ZNF503: variants seen among roughly 807,000 people sequenced by gnomAD.
ZNF503 encodes the protein NocA-like zinc finger 2.
A neutral mutation model predicts 34.4 loss-of-function variants in ZNF503; 15 were observed. That is an observed-to-expected ratio of 0.44 (90% confidence interval 0.29 to 0.67). The LOEUF is 0.67. Ranked by LOEUF, ZNF503 falls within the 30% of genes least tolerant of loss-of-function variation. The probability of loss-of-function intolerance (pLI) is 0.13; values close to 1 mark genes in which losing one functional copy is unlikely to be tolerated. For missense variants in ZNF503, 1,007 were observed against 926.8 expected, an observed-to-expected ratio of 1.09 and a Z score of -1.12; for synonymous variants, 580 against 456.8, an observed-to-expected ratio of 1.27 and a Z score of -3.44.
At chr10:75,288,938 T>G in the ZNF503 span, among the ~76,000 whole-genome samples, 1 of 152,224 alleles carries the variant, frequency 6.6e-6, no homozygotes, top group African/African-American at 2.4e-5. Flanking sequence ...GGGGGGCTGA[T>G]CTGGCTTTGT....
chr10:75,371,185 G>T, the ZNF503 span, among the ~76,000 whole-genome samples: 3 of 152,174 alleles, frequency 2.0e-5, no homozygotes, highest in African/African-American at 4.8e-5. Flanking sequence ...CATCCAGGGA[G>T]CTCCAAAATT....
chr10:75,314,858 TA>T, the ZNF503 span, among the ~76,000 whole-genome samples: 1 of 152,236 alleles, frequency 6.6e-6, no homozygotes. Flanking sequence ...TGAGGGAGTT[TA>T]TTACTACCAG....
At chr10:75,383,868 TATTTA>T in the ZNF503 span, among the ~76,000 whole-genome samples, 1 of 152,248 alleles carries the variant, frequency 6.6e-6, no homozygotes, top group African/African-American at 2.4e-5. Flanking sequence ...GTCTGTTGGC[TATTTA>T]ATTGATCTAT....
downstream of ZNF503, among the ~76,000 whole-genome samples, chr10:75,395,582 C>T (rs1011886094): frequency 6.6e-6 from 1 of 152,112 alleles, no homozygotes; most frequent in Admixed American, 6.5e-5. The surrounding 1 kb of genome is among the most constrained non-coding windows in gnomAD (Gnocchi z 4.4). Context: ...TGGAGAGAGT[C>T]GGGGGGCGCG....
chr10:75,321,461 A>G, the ZNF503 span, among the ~76,000 whole-genome samples: 1 of 152,224 alleles, frequency 6.6e-6, no homozygotes, highest in Non-Finnish European at 1.5e-5. Flanking sequence ...CAGAAGGAGA[A>G]AGGAACATTA....
the ZNF503 span, among the ~76,000 whole-genome samples, chr10:75,287,723 A>G: frequency 1.3e-5 from 2 of 152,174 alleles, no homozygotes; most frequent in Non-Finnish European, 2.9e-5. Flanking sequence ...CTGCTGCTCC[A>G]TGTTGATTTC....
At chr10:75,322,413 C>T in the ZNF503 span, among the ~76,000 whole-genome samples, 4 of 152,266 alleles carry the variant, frequency 2.6e-5, no homozygotes, top group South Asian at 2.1e-4. Flanking sequence ...TAAGCCACCA[C>T]GCCCGGCCCA....
chr10:75,301,094 A>C, the ZNF503 span, among the ~76,000 whole-genome samples: 3 of 151,988 alleles, frequency 2.0e-5, no homozygotes, highest in Middle Eastern at 6.8e-3. Flanking sequence ...TGCTTGGGAT[A>C]TCTCTTCCTA....
the ZNF503 span, among the ~76,000 whole-genome samples, chr10:75,281,224 T>C: frequency 6.6e-6 from 1 of 152,106 alleles, no homozygotes; most frequent in Non-Finnish European, 1.5e-5. Flanking sequence ...AGATGTGACC[T>C]AGTTTGCACC....
the ZNF503 span, among the ~76,000 whole-genome samples, chr10:75,347,722 T>C: frequency 2.2e-3 from 335 of 152,356 alleles, 1 homozygote; most frequent in African/African-American, 7.7e-3. Context: ...AAAAGCTTTT[T>C]GTTGACACCT....
the ZNF503 span, among the ~76,000 whole-genome samples, chr10:75,289,736 T>C: frequency 6.6e-6 from 1 of 152,048 alleles, no homozygotes; most frequent in Non-Finnish European, 1.5e-5. Context: ...CAGCTAACTT[T>C]TGGATTTTTA....
the ZNF503 span, among the ~76,000 whole-genome samples, chr10:75,290,378 C>A: frequency 6.6e-6 from 1 of 152,172 alleles, no homozygotes; most frequent in African/African-American, 2.4e-5. Flanking sequence ...CCTCTGTTGG[C>A]CTCTCCATGT....
At chr10:75,365,483 A>G in the ZNF503 span, among the ~76,000 whole-genome samples, 5 of 152,316 alleles carry the variant, frequency 3.3e-5, no homozygotes, top group African/African-American at 1.2e-4. Flanking sequence ...AAGAGAAATG[A>G]TCGGATTCAA....
Position 75,401,119 on chromosome 10 carries a change from C to T in ZNF503, c.301G>A (p.Val101Ile). 6.2e-7 allele frequency: 1 copy of T among 1,613,424 alleles called. No individual in the cohort carries two copies. Residue 101 changes from valine (V) to isoleucine (I), a missense_variant, in exon 1 of 2, where the codon GTC becomes ATC. Val to Ile is a conservative substitution (Grantham distance 29, BLOSUM62 3). Coordinates refer to ENST00000372524, the MANE Select transcript of ZNF503 (RefSeq NM_032772.6). The part of the protein sequence containing the change: ...EYLQPLPSTP[V>I]SPIELDAKKS... Reference sequence around the variant, plus strand: ...AGGGTCCTTACCTCGATGGGGCTGACCGGCGTGGAAGGCAGGGGCTGCAGG... The same window carrying T: ...AGGGTCCTTACCTCGATGGGGCTGATCGGCGTGGAAGGCAGGGGCTGCAGG...
the ZNF503 span, among the ~76,000 whole-genome samples, chr10:75,376,670 A>G: frequency 6.6e-6 from 1 of 151,894 alleles, no homozygotes; most frequent in Admixed American, 6.6e-5. Context: ...AAACAAAAAA[A>G]CCTGAGACTG....
chr10:75,397,576 T>G (rs1466729299), downstream of ZNF503, among the ~76,000 whole-genome samples: 1 of 152,202 alleles, frequency 6.6e-6, no homozygotes. Flanking sequence ...AAGAGAAAAT[T>G]GAAATAAAAA....
the ZNF503 span, chr10:75,343,080 T>A: frequency 6.6e-6 from 1 of 151,956 alleles, no homozygotes; most frequent in African/African-American, 2.4e-5. Context: ...GGGAAGGAGG[T>A]ACTTCCCAAG....
chr10:75,385,184 G>A, the ZNF503 span, among the ~76,000 whole-genome samples: 1 of 152,168 alleles, frequency 6.6e-6, no homozygotes, highest in Non-Finnish European at 1.5e-5. Context: ...AACATGGATA[G>A]AGGGACTTGC....
chr10:75,317,261 C>T, the ZNF503 span, among the ~76,000 whole-genome samples: 1 of 140,894 alleles, frequency 7.1e-6, no homozygotes, highest in African/African-American at 2.6e-5. Context: ...ACACATCCCA[C>T]GTCTTTTTTT....
Sources: gnomAD v4.1 joint callset for allele counts (sites outside exome capture counted in the v4.1 genomes callset) on GRCh38, gnomAD v4.1.1 for gene constraint, Gnocchi (gnomAD v3.1) non-coding constraint, MANE v1.5 for transcripts, NCBI Gene and HGNC (gene_info 2026-07-23, HGNC 2026-07-21) for gene names.